Variants in NDRG2 observed in about 807,000 individuals in gnomAD.
NDRG2 encodes NDRG family member 2.
A neutral mutation model predicts 58.2 loss-of-function variants in NDRG2; 34 were observed. That is an observed-to-expected ratio of 0.58 (90% CI 0.44 to 0.78). The LOEUF is 0.78. Ranked by LOEUF, NDRG2 falls within the 30% of genes least tolerant of loss-of-function variation. NDRG2 has a pLI of 0.00. For missense variants in NDRG2, 434 were observed against 471.2 expected (o/e 0.92, Z 0.73); for synonymous variants, 187 against 175.9 (o/e 1.06, Z -0.50).
At chr14:21,052,614 T>G (rs1055935631) in intron 1 of NDRG2, among the ~76,000 whole-genome samples, 1 of 152,068 alleles carries the variant, frequency 6.6e-6, no homozygotes, top group Non-Finnish European at 1.5e-5. Flanking sequence ...GGAGGGAAGA[T>G]AGGGAGGCCA....
chr14:21,059,985 A>C (rs1885876019), intron 1 of NDRG2, among the ~76,000 whole-genome samples: 1 of 152,196 alleles, frequency 6.6e-6, no homozygotes. Context: ...ATACATACAG[A>C]GGAACACATA....
At chr14:21,059,697 A>G (rs936475913) in intron 1 of NDRG2, among the ~76,000 whole-genome samples, 1 of 152,028 alleles carries the variant, frequency 6.6e-6, no homozygotes, top group Non-Finnish European at 1.5e-5. Context: ...ACAGGGTTTC[A>G]CCATGTTACC....
At chr14:21,031,813 G>T (rs1884191834) in intron 1 of NDRG2, 3 of 1,482,822 alleles carry the variant, frequency 2.0e-6, no homozygotes, top group Non-Finnish European at 2.7e-6. Context: ...CTTGTTCTAA[G>T]TATCTCGGGC....
intron 1 of NDRG2, among the ~76,000 whole-genome samples, chr14:21,061,936 C>T (rs866520298): frequency 2.0e-5 from 3 of 152,150 alleles, no homozygotes; most frequent in South Asian, 4.2e-4. Context: ...CTCAAATGCC[C>T]AAATTACTTT....
rs772504686 is a variant in NDRG2 at position 21,024,157 on chromosome 14, C to G, written c.-134G>C. On this transcript the variant is annotated 5_prime_UTR_variant, in exon 1 of 16. Transcript: ENST00000556147. Reference sequence around the variant, plus strand: ...AGACAGACCTGGGGTCTTTCAGGGACGGAAAGCCTCAGCCAAGACCCAGAC... The same window carrying G: ...AGACAGACCTGGGGTCTTTCAGGGAGGGAAAGCCTCAGCCAAGACCCAGAC... 3 of 985,324 alleles carry G rather than the reference C, an allele frequency of 3.0e-6. No individual in the cohort carries two copies. Among genetic ancestry groups the G allele is most frequent in the Non-Finnish European group, 2.4e-6 (2 of 829,924 alleles). The allele number at this position is 985,324 out of a possible 1,614,324, so 61.0% of individuals were successfully genotyped here.
At chr14:21,057,748 G>A (rs1210572787) in intron 1 of NDRG2, 14 of 676,608 alleles carry the variant, frequency 2.1e-5, no homozygotes, top group Middle Eastern at 4.2e-4. Flanking sequence ...AGAATGCCAG[G>A]GGTGTTCAAT....
chr14:21,067,450 C>A (rs1886328460), intron 1 of NDRG2, among the ~76,000 whole-genome samples: 2 of 152,144 alleles, frequency 1.3e-5, no homozygotes, highest in South Asian at 4.2e-4. Flanking sequence ...AGATGAGACC[C>A]TATAACTTAC....
At chr14:21,062,732 T>TGTGTGTGTGTGTGTGC (rs933138523) in intron 1 of NDRG2, among the ~76,000 whole-genome samples, 1 of 150,720 alleles carries the variant, frequency 6.6e-6, no homozygotes, top group African/African-American at 2.4e-5. Flanking sequence ...TGTGTGTGTG[T>TGTGTGTGTGTGTGTGC]GTGTGTGTGT....
intron 1 of NDRG2, among the ~76,000 whole-genome samples, chr14:21,063,705 A>G (rs1007125462): frequency 4.6e-5 from 7 of 152,210 alleles, no homozygotes; most frequent in Admixed American, 1.3e-4. Context: ...ACTGCTAGCT[A>G]TAACAGGCAC....
intron 2 of NDRG2, 138 bp from the exon 3 acceptor site, chr14:21,023,043 C>T: frequency 2.7e-6 from 3 of 1,118,096 alleles, no homozygotes; most frequent in South Asian, 1.3e-5. Context: ...CAAAGAGAGA[C>T]ACGGAAAGGA....
chr14:21,026,523 C>T (rs1311968209), upstream of NDRG2, among the ~76,000 whole-genome samples: 4 of 150,396 alleles, frequency 2.7e-5, no homozygotes, highest in Non-Finnish European at 4.4e-5. Context: ...ACCACCCTCA[C>T]CACCCGCAAT....
In NDRG2 at chr14:21,037,701, T is replaced by C. The variant is rs895891034; in HGVS notation, c.25-14380A>G. On this transcript the variant is annotated intron_variant, in intron 1 of 14. Transcript: ENST00000403829. ...AAAGCAGACTTACTTGTATCTTATG[T>C]ATTAAAAAAATGATAAACATCTGGG... Among the ~76,000 whole-genome samples the C allele has an allele frequency of 3.3e-5, 5 of 152,342 alleles. No individual in the cohort carries two copies. In the South Asian group the frequency reaches 6.2e-4, roughly 19 times the overall value.
intron 1 of NDRG2, among the ~76,000 whole-genome samples, chr14:21,046,172 G>GT (rs1393460550): frequency 6.6e-6 from 1 of 151,984 alleles, no homozygotes; most frequent in African/African-American, 2.4e-5. Flanking sequence ...CTATTGTTCT[G>GT]TTCTGTACTA....
intron 1 of NDRG2, chr14:21,031,977 G>A (rs200383138): frequency 5.0e-6 from 8 of 1,614,144 alleles, no homozygotes; most frequent in Non-Finnish European, 6.8e-6. Flanking sequence ...GATGAGAGTG[G>A]CAAGGGCAAG....
chr14:21,043,123 T>G, intron 1 of NDRG2: 1 of 1,614,176 alleles, frequency 6.2e-7, no homozygotes, highest in South Asian at 1.1e-5. Context: ...ATTCAGCACA[T>G]GCAGCCCAGC....
rs1882951351 is a variant in NDRG2 at position 21,024,838 on chromosome 14, C to T, written c.-815G>A. 1 of 985,702 alleles carries T rather than the reference C, an allele frequency of 1.0e-6. No homozygotes were observed. 61.1% of individuals were successfully genotyped at this position (985,702 alleles called of 1,614,324 possible). On this transcript the variant is annotated 5_prime_UTR_variant, in exon 1 of 16. Transcript: ENST00000556147. Reference sequence around the variant, plus strand: ...AAGCGCCCCGGACCTTGCACACAACCTCGCGCGCACCCCAAACACGCCCTG... The same window carrying T: ...AAGCGCCCCGGACCTTGCACACAACTTCGCGCGCACCCCAAACACGCCCTG...
chr14:21,025,282 A>G, upstream of NDRG2: 5 of 928,180 alleles, frequency 5.4e-6, no homozygotes, highest in Non-Finnish European at 6.4e-6. This position sits in a 1 kb window ranked among gnomAD's most constrained non-coding sequence, Gnocchi z 5.1. Context: ...TGCTCGGCTC[A>G]CCAAAACATT....
In NDRG2 at chr14:21,031,045, G is replaced by A. The variant is rs561585406; in HGVS notation, c.25-7724C>T. ...ACGCCCGAACCATCACGTTTCAACA[G>A]TTCAAAGAGGCAGTGAAGGAACTGG... On this transcript the variant is annotated intron_variant, in intron 1 of 14. Transcript: ENST00000403829. 62 of 1,613,878 alleles carry A rather than the reference G, an allele frequency of 3.8e-5. No homozygotes were observed. In the South Asian group the frequency reaches 6.0e-4, roughly 16 times the overall value.
upstream of NDRG2, among the ~76,000 whole-genome samples, chr14:21,026,152 G>GCACACACA (rs147701833): frequency 2.7e-5 from 4 of 149,614 alleles, no homozygotes; most frequent in East Asian, 7.8e-4. Context: ...ACACGCACAC[G>GCACACACA]CACACACACA....
Sources: allele counts gnomAD v4.1 joint callset (sites outside exome capture counted in the v4.1 genomes callset), GRCh38; gene constraint gnomAD v4.1.1; non-coding constraint Gnocchi (gnomAD v3.1); transcripts MANE v1.5; gene names NCBI Gene and HGNC (gene_info 2026-07-23, HGNC 2026-07-21).